Variants in MCM9 observed in about 807,000 individuals in gnomAD.
MCM9 encodes the protein minichromosome maintenance 9 homologous recombination repair factor, also known as DNA helicase MCM9.
MCM9 carries 55 observed loss-of-function variants against 72.8 expected under a neutral mutation model. The observed-to-expected ratio is 0.76, with a 90% confidence interval of 0.61 to 0.95. MCM9 has a LOEUF of 0.95. MCM9 is among the 40% of genes least tolerant of loss of function. The pLI is 0.00. For missense variants in MCM9, 1,279 were observed against 1,377.0 expected (o/e 0.93, Z 1.13); for synonymous variants, 480 against 503.4 (o/e 0.95, Z 0.62).
intron 8 of MCM9, among the ~76,000 whole-genome samples, chr6:118,860,764 C>T (rs925302404): frequency 1.3e-4 from 20 of 152,146 alleles, no homozygotes; most frequent in African/African-American, 4.1e-4. Flanking sequence ...CTTTCTGGCA[C>T]CAGAGGCTGG....
intron 11 of MCM9, 76 bp from the exon 12 acceptor site, chr6:118,826,940 A>G: frequency 1.7e-6 from 2 of 1,169,728 alleles, no homozygotes; most frequent in Non-Finnish European, 1.2e-6. Context: ...CCTCCTCCTC[A>G]CCATTTGTAT....
At chr6:118,844,185 G>A (rs1168172387) in intron 9 of MCM9, among the ~76,000 whole-genome samples, 1 of 151,752 alleles carries the variant, frequency 6.6e-6, no homozygotes, top group African/African-American at 2.4e-5. Flanking sequence ...ATTTTCTCAA[G>A]AGTTTTGCAT....
At chr6:118,854,757 G>C (rs779218874) in intron 9 of MCM9, among the ~76,000 whole-genome samples, 11 of 152,220 alleles carry the variant, frequency 7.2e-5, no homozygotes, top group Non-Finnish European at 1.5e-4. Context: ...TACATTTTCT[G>C]CATCTATTGG....
intron 8 of MCM9, among the ~76,000 whole-genome samples, chr6:118,882,506 A>G (rs1432649678): frequency 6.6e-6 from 1 of 152,226 alleles, no homozygotes; most frequent in Non-Finnish European, 1.5e-5. Context: ...ACAAACCTCA[A>G]GTACTGGATT....
chr6:118,927,814 T>A (rs910605985), intron 3 of MCM9, among the ~76,000 whole-genome samples: 4 of 152,352 alleles, frequency 2.6e-5, no homozygotes, highest in Admixed American at 6.5e-5. Context: ...ATAGTGTTTC[T>A]TACTGTAAAT....
intron 3 of MCM9, among the ~76,000 whole-genome samples, chr6:118,927,460 C>T (rs1323379010): frequency 2.0e-5 from 3 of 151,942 alleles, no homozygotes. Flanking sequence ...AAATAATTAG[C>T]CAGGTGTGGT....
At chr6:118,837,239 T>C (rs1198269762) in intron 9 of MCM9, among the ~76,000 whole-genome samples, 1 of 152,234 alleles carries the variant, frequency 6.6e-6, no homozygotes, top group Non-Finnish European at 1.5e-5. Flanking sequence ...CTGTTTGTTA[T>C]GATTTTCACT....
intron 10 of MCM9, 38 bp from the exon 11 acceptor site, chr6:118,828,168 A>G: frequency 6.9e-7 from 1 of 1,442,470 alleles, no homozygotes; most frequent in South Asian, 1.3e-5. Flanking sequence ...AGTTCTTAGG[A>G]CAGGCAAACA....
intron 9 of MCM9, among the ~76,000 whole-genome samples, chr6:118,845,461 T>C (rs1026311087): frequency 1.3e-5 from 2 of 151,850 alleles, no homozygotes; most frequent in African/African-American, 4.9e-5. Context: ...ATTATTACAG[T>C]AATTCTGTCT....
intron 9 of MCM9, among the ~76,000 whole-genome samples, chr6:118,830,917 G>C (rs1331453778): frequency 2.0e-5 from 3 of 152,202 alleles, no homozygotes; most frequent in Admixed American, 6.5e-5. Flanking sequence ...TCGTAAGTGT[G>C]CAAGGAGTGC....
chr6:118,899,069 C>A (rs1779626476), intron 8 of MCM9, among the ~76,000 whole-genome samples: 1 of 152,190 alleles, frequency 6.6e-6, no homozygotes, highest in Non-Finnish European at 1.5e-5. Context: ...CTTTCATCTT[C>A]AGGATTTTAT....
In MCM9 at chr6:118,850,233, G is replaced by A. The variant is rs577879669; in HGVS notation, c.1325+6138C>T. On this transcript the variant is annotated intron_variant, in intron 9 of 13. Coordinates refer to ENST00000619706, the MANE Select transcript of MCM9 (RefSeq NM_017696.3). ...CAGTGGTATATCTAAGCACAATAAAGGACTGCAAAGAGAGCTTGAATATTA... is the reference window on the plus strand; with the variant it reads ...CAGTGGTATATCTAAGCACAATAAAAGACTGCAAAGAGAGCTTGAATATTA... Among the ~76,000 whole-genome samples, 116 of 140,430 alleles carry A rather than the reference G, an allele frequency of 8.3e-4. 1 individual carries two copies. The Middle Eastern group carries it at 0.022, about 27-fold the overall frequency. The allele number at this position is 140,430 out of a possible 152,430, so 92.1% of individuals were successfully genotyped here.
chr6:118,916,432 C>CCTT lies in MCM9; in HGVS notation c.904+1128_904+1129insAAG, dbSNP rs374211645. On this transcript the variant is annotated intron_variant, in intron 6 of 13. Coordinates refer to ENST00000619706, the MANE Select transcript of MCM9 (RefSeq NM_017696.3). The stretch of plus-strand genomic sequence containing the variant: ...CTATCCCTATTTAGGGAAATGGAAG[C>CCTT]ATTATTATTATTATTATTATTATTA... 2.2e-3 allele frequency among the ~76,000 whole-genome samples: 317 copies of CCTT among 142,388 alleles called. 3 individuals carry two copies. Among genetic ancestry groups the CCTT allele is most frequent in the African/African-American group, 7.9e-3 (311 of 39,358 alleles). The allele number at this position is 142,388 out of a possible 152,430, so 93.4% of individuals were successfully genotyped here.
At chr6:118,914,918 T>C (rs1200621302) in intron 6 of MCM9, among the ~76,000 whole-genome samples, 3 of 152,224 alleles carry the variant, frequency 2.0e-5, no homozygotes, top group African/African-American at 7.2e-5. Flanking sequence ...CCATTTCTTG[T>C]CTGCAAAATG....
At chr6:118,864,514 G>A (rs938919839) in intron 8 of MCM9, among the ~76,000 whole-genome samples, 1 of 151,954 alleles carries the variant, frequency 6.6e-6, no homozygotes, top group Non-Finnish European at 1.5e-5. Context: ...AGTTCCCTCC[G>A]AGAGAAAGTC....
At chr6:118,916,602 G>GT (rs1780985408) in intron 6 of MCM9, among the ~76,000 whole-genome samples, 1 of 151,592 alleles carries the variant, frequency 6.6e-6, no homozygotes, top group Non-Finnish European at 1.5e-5. Context: ...GGGACTACAG[G>GT]TGCACGCCAC....
intron 8 of MCM9, among the ~76,000 whole-genome samples, chr6:118,909,779 T>C (rs1780405805): frequency 6.6e-6 from 1 of 152,176 alleles, no homozygotes; most frequent in Non-Finnish European, 1.5e-5. Flanking sequence ...CCCAAGAATG[T>C]CTATGGCAGC....
Position 118,815,664 on chromosome 6 carries a change from G to A in MCM9, c.2592C>T (p.Thr864=). The change falls in exon 14 of 14, where the codon ACC becomes ACT. Residue 864 remains threonine (T), a synonymous_variant. Transcript: ENST00000619706. Reference sequence around the variant, plus strand: ...GGACTGTGCACTGTGCAGGCACCCTGGTGCTATTTCTGCACAACTTCTGGG... The same window carrying A: ...GGACTGTGCACTGTGCAGGCACCCTAGTGCTATTTCTGCACAACTTCTGGG... ...ERAQKLCRNS[T]RVPAQCTVPS... is the part of the protein sequence containing the mutation. 1 of 1,549,870 alleles carries A rather than the reference G, an allele frequency of 6.5e-7. No individual in the cohort carries two copies. Among genetic ancestry groups the A allele is most frequent in the Non-Finnish European group, 8.7e-7 (1 of 1,146,820 alleles).
rs1773391054 is a variant in MCM9 at position 118,816,080 on chromosome 6, T to C, written c.2176A>G (p.Thr726Ala). Residue 726 changes from threonine (T) to alanine (A), a missense_variant, in exon 14 of 14, where the codon ACA becomes GCA. Coordinates refer to ENST00000619706, the MANE Select transcript of MCM9 (RefSeq NM_017696.3). ...TGCTGAGCTGAATGTTTCCTACTTG[T>C]TGATCTATTAGGCTCCAGATGCGGT... ...PPPHLEPNRSTSRKHSAQHKN... is the reference protein window; with the variant it reads ...PPPHLEPNRSASRKHSAQHKN... 1.3e-6 allele frequency: 2 copies of C among 1,550,104 alleles called. No homozygotes were observed. The highest frequency in any genetic ancestry group is 1.7e-6 in the Non-Finnish European group (2 of 1,146,724).
Sources: allele counts gnomAD v4.1 joint callset (sites outside exome capture counted in the v4.1 genomes callset), GRCh38; gene constraint gnomAD v4.1.1; transcripts MANE v1.5; gene names NCBI Gene and HGNC (gene_info 2026-07-23, HGNC 2026-07-21).